Variants in ADGRE1 observed in about 807,000 individuals in gnomAD.
ADGRE1 encodes the protein EGF-like module receptor 1.
ADGRE1 carries 82 observed loss-of-function variants against 102.7 expected under a neutral mutation model. The observed-to-expected ratio is 0.80, with a 90% CI of 0.67 to 0.96. The LOEUF (loss-of-function observed/expected upper bound fraction) is 0.96, where lower values mean the gene tolerates loss of function less well. ADGRE1 is among the 40% of genes least tolerant of loss of function. ADGRE1 has a pLI of 0.00. For synonymous variants in ADGRE1, 398 were observed against 399.6 expected (o/e 1.00, Z 0.05); for missense variants, 1,032 against 1,085.3 (o/e 0.95, Z 0.69).
At chr19:6,906,377 T>C (rs1973956575) in intron 8 of ADGRE1, 56 bp from the exon 9 acceptor site, 1 of 1,487,862 alleles carries the variant, frequency 6.7e-7, no homozygotes, top group Non-Finnish European at 9.3e-7. Flanking sequence ...ACTTGAATTT[T>C]CATCTTATTT....
chr19:6,898,576 T>G (rs1224877777), intron 5 of ADGRE1: 2 of 1,494,098 alleles, frequency 1.3e-6, no homozygotes, highest in Non-Finnish European at 1.8e-6. Context: ...CCTCTTTCAC[T>G]GCTTTGCAAA....
chr19:6,928,423 C>A, intron 17 of ADGRE1: 1 of 1,230,650 alleles, frequency 8.1e-7, no homozygotes, highest in Non-Finnish European at 1.1e-6. Context: ...GTCAGGAGTT[C>A]GAGAACAGTC....
At chr19:6,908,869 C>G in intron 10 of ADGRE1, 97 bp downstream of exon 10, 1 of 1,149,274 alleles carries the variant, frequency 8.7e-7, no homozygotes, top group Non-Finnish European at 1.2e-6. Flanking sequence ...CGTGGTGGCT[C>G]ACACCCATAA....
At chr19:6,895,103 G>A (rs749135406) in intron 2 of ADGRE1, 13 of 152,168 alleles carry the variant, frequency 8.5e-5, no homozygotes, top group African/African-American at 3.1e-4. Context: ...CCATCTCCCA[G>A]GTGCCTTTTG....
At chr19:6,911,831 TAC>T (rs60293701) in intron 10 of ADGRE1, among the ~76,000 whole-genome samples, 18,558 of 148,534 alleles carry the variant, frequency 0.12, 1,469 homozygotes, top group East Asian at 0.42. Flanking sequence ...TACAAATGCA[TAC>T]ACACACACCC....
chr19:6,922,364 C>T (rs546571142), intron 14 of ADGRE1, among the ~76,000 whole-genome samples: 9 of 152,118 alleles, frequency 5.9e-5, no homozygotes, highest in Admixed American at 2.6e-4. Flanking sequence ...GCCTGTCATC[C>T]GAGCACTTTG....
rs754813203 is a variant in ADGRE1, at chr19:6,938,792, TC to T, written c.2655+1145del. Among the ~76,000 whole-genome samples the T allele has an allele frequency of 2.2e-3, 300 of 138,268 alleles. 1 individual carries two copies. Among genetic ancestry groups the T allele is most frequent in the Non-Finnish European group, 3.2e-3 (206 of 63,522 alleles). The allele number at this position is 138,268 out of a possible 152,430, so 90.7% of individuals were successfully genotyped here. On this transcript the variant is annotated intron_variant, in intron 20 of 20. Coordinates refer to ENST00000312053, the MANE Select transcript of ADGRE1 (RefSeq NM_001974.5). ...TTTCTTTTTTCTTTCTTTCTTTCTT[TC>T]TTTTTTTCTTTTTTTTTTTTGAGAT...
chr19:6,926,420 T>C lies in ADGRE1; in HGVS notation c.2041T>C (p.Phe681Leu). The change falls in exon 16 of 21, where the codon TTC (phenylalanine) becomes CTC (leucine). Residue 681 changes from phenylalanine (F) to leucine (L), a missense_variant. Coordinates refer to ENST00000312053, the MANE Select transcript of ADGRE1 (RefSeq NM_001974.5). ...FLHYLFLACF[F>L]WMLVEAVILF... ...GCACTACCTTTTCCTTGCCTGCTTC[T>C]TCTGGATGCTGGTGGAGGCTGTGAT... The C allele has an allele frequency of 6.2e-7, 1 of 1,614,260 alleles. No homozygotes were observed. The highest frequency in any genetic ancestry group is 1.1e-5 in the South Asian group (1 of 91,088).
Position 6,901,859 on chromosome 19 carries a change from C to T in ADGRE1, c.515-16C>T. ...TCTCATTTACCTTGACCTGGGTTTT[C>T]TCTTCCACTCTTCAGACGTGGATGA... On this transcript the variant is annotated splice_polypyrimidine_tract_variant and intron_variant, in intron 5 of 20. Transcript: ENST00000312053. The T allele has an allele frequency of 6.2e-7, 1 of 1,613,244 alleles. No homozygotes were observed. The highest frequency in any genetic ancestry group is 2.2e-5 in the East Asian group (1 of 44,840).
chr19:6,934,854 G>T lies in ADGRE1; in HGVS notation c.2290-133G>T, dbSNP rs187470046. ...ATTCCTGACCTCAAGAGATCCGCCC[G>T]CCTCAGCCTCCCAAAGTGCTGGGAT... On this transcript the variant is annotated intron_variant, in intron 17 of 20. Coordinates refer to ENST00000312053, the MANE Select transcript of ADGRE1 (RefSeq NM_001974.5). 2.1e-3 allele frequency: 844 copies of T among 409,244 alleles called. 6 individuals are homozygous for T. Among genetic ancestry groups the T allele is most frequent in the African/African-American group, 0.015 (703 of 48,030 alleles). The allele number at this position is 409,244 out of a possible 1,614,324, so 25.4% of individuals were successfully genotyped here. A position where few individuals can be genotyped will look rare whatever the true frequency, so the allele number is the denominator to read the frequency against.
chr19:6,888,624 G>C (rs548504871), intron 1 of ADGRE1, among the ~76,000 whole-genome samples: 2 of 152,182 alleles, frequency 1.3e-5, no homozygotes, highest in African/African-American at 2.4e-5. Context: ...TCAAGGCCAC[G>C]CAATCATTAA....
At chr19:6,905,970 T>A (rs991665133) in intron 8 of ADGRE1, among the ~76,000 whole-genome samples, 1 of 152,222 alleles carries the variant, frequency 6.6e-6, no homozygotes, top group Non-Finnish European at 1.5e-5. Context: ...TCCCATGGTA[T>A]GTACCCCTAA....
In ADGRE1 at chr19:6,888,102, G is replaced by A. The variant is rs1012144769; in HGVS notation, c.31+463G>A. On this transcript the variant is annotated intron_variant, in intron 1 of 20. Transcript: ENST00000312053. The stretch of plus-strand genomic sequence containing the variant: ...CCTATTTTGCAAATGAGAAAACTGA[G>A]GCAAAAGAGATAAAATAATTTTCCC... Among the ~76,000 whole-genome samples, 9 of 152,262 alleles carry A rather than the reference G, an allele frequency of 5.9e-5. No homozygotes were observed. In the East Asian group the frequency reaches 1.7e-3, roughly 29 times the overall value.
Position 6,911,833 on chromosome 19 carries a change from C to CACACACACCCCACACACATTTACACACAT in ADGRE1, c.1123-1786_1123-1758dup, listed in dbSNP as rs1252703683. On this transcript the variant is annotated intron_variant, in intron 10 of 20. Transcript: ENST00000312053. Reference sequence around the variant, plus strand: ...GCACACATACACATACAAATGCATACACACACACCCCACACACATTTACAC... The same window carrying CACACACACCCCACACACATTTACACACAT: ...GCACACATACACATACAAATGCATACACACACACCCCACACACATTTACACACATACACACACCCCACACACATTTACAC... 1.6e-4 allele frequency among the ~76,000 whole-genome samples: 18 copies of CACACACACCCCACACACATTTACACACAT among 116,004 alleles called. No individual in the cohort carries two copies. The East Asian group carries it at 2.0e-3, about 13-fold the overall frequency. 76.1% of individuals were successfully genotyped at this position (116,004 alleles called of 152,430 possible). A position where few individuals can be genotyped will look rare whatever the true frequency, so the allele number is the denominator to read the frequency against.
At chr19:6,921,131 C>G (rs1307078014) in intron 13 of ADGRE1, among the ~76,000 whole-genome samples, 1 of 152,028 alleles carries the variant, frequency 6.6e-6, no homozygotes, top group Non-Finnish European at 1.5e-5. Context: ...ACTAAAAATA[C>G]AAAAATTAGC....
At chr19:6,901,642 C>T (rs542950570) in intron 5 of ADGRE1, among the ~76,000 whole-genome samples, 25 of 152,196 alleles carry the variant, frequency 1.6e-4, no homozygotes, top group Non-Finnish European at 3.2e-4. Flanking sequence ...CTATTTGCCA[C>T]CCTTCTGCTT....
intron 15 of ADGRE1, among the ~76,000 whole-genome samples, chr19:6,925,137 T>C (rs1016258911): frequency 6.6e-5 from 10 of 152,208 alleles, no homozygotes; most frequent in African/African-American, 2.4e-4. Flanking sequence ...TTGTTTGTTT[T>C]TGATACTGAG....
chr19:6,906,406 G>A, intron 8 of ADGRE1, 27 bp from the exon 9 acceptor site: 7 of 1,587,862 alleles, frequency 4.4e-6, no homozygotes, highest in African/African-American at 1.3e-5. Context: ...TTGAAGTTTG[G>A]TTTGGTTGCT....
chr19:6,908,000 C>T (rs913541141), intron 9 of ADGRE1, among the ~76,000 whole-genome samples: 1 of 152,228 alleles, frequency 6.6e-6, no homozygotes, highest in African/African-American at 2.4e-5. Flanking sequence ...TAAACAAAAT[C>T]TCTGCAGCAC....
Sources: gnomAD v4.1 joint callset for allele counts (sites outside exome capture counted in the v4.1 genomes callset) on GRCh38, gnomAD v4.1.1 for gene constraint, MANE v1.5 for transcripts, NCBI Gene and HGNC (gene_info 2026-07-23, HGNC 2026-07-21) for gene names.